Variants in FLACC1 observed in about 807,000 individuals in gnomAD.
The protein encoded by FLACC1 is flagellum associated containing coiled-coil domains 1.
Under a neutral mutation model 62.8 loss-of-function variants are expected in FLACC1, and 66 were observed. The observed-to-expected ratio is 1.05, with a 90% CI of 0.86 to 1.29. FLACC1 has a LOEUF of 1.29. Ranked by LOEUF, FLACC1 falls within the 50% of genes most tolerant of loss-of-function variation. The pLI is 0.00. For synonymous variants in FLACC1, 156 were observed against 161.0 expected, an observed-to-expected ratio of 0.97 and a Z score of 0.24; for missense variants, 452 against 489.1, an observed-to-expected ratio of 0.92 and a Z score of 0.71.
At chr2:201,322,433 G>A (rs774120915) in intron 9 of FLACC1, among the ~76,000 whole-genome samples, 3 of 151,890 alleles carry the variant, frequency 2.0e-5, no homozygotes, top group Non-Finnish European at 4.4e-5. Context: ...ATCTAAGAAA[G>A]CCACATAAAA....
At chr2:201,335,074 C>T (rs1950666966) in intron 7 of FLACC1, among the ~76,000 whole-genome samples, 1 of 152,040 alleles carries the variant, frequency 6.6e-6, no homozygotes, top group East Asian at 1.9e-4. Flanking sequence ...AATTCATTGC[C>T]ATATAAATGT....
the FLACC1 span, among the ~76,000 whole-genome samples, chr2:201,363,044 C>A: frequency 6.6e-6 from 1 of 152,176 alleles, no homozygotes; most frequent in Non-Finnish European, 1.5e-5. Context: ...GGTGACCCAG[C>A]CTGCTCCCCT....
chr2:201,321,472 C>T (rs1950402279), intron 9 of FLACC1, among the ~76,000 whole-genome samples: 1 of 152,138 alleles, frequency 6.6e-6, no homozygotes, highest in African/African-American at 2.4e-5. Flanking sequence ...TCAGCTCTAA[C>T]CCAACAGACA....
At chr2:201,355,348 C>T (rs1458361844) in intron 1 of FLACC1, among the ~76,000 whole-genome samples, 2 of 151,916 alleles carry the variant, frequency 1.3e-5, no homozygotes, top group African/African-American at 4.8e-5. Context: ...GATGAAACTG[C>T]CAAAATGTTG....
At chr2:201,294,336 C>T (rs1949808575) in intron 12 of FLACC1, among the ~76,000 whole-genome samples, 2 of 152,178 alleles carry the variant, frequency 1.3e-5, no homozygotes, top group Admixed American at 6.5e-5. Flanking sequence ...ATCAAGTGGG[C>T]TTCATCCCTG....
intron 6 of FLACC1, 79 bp downstream of exon 6, chr2:201,344,091 T>G: frequency 1.5e-6 from 2 of 1,314,370 alleles, no homozygotes; most frequent in Non-Finnish European, 2.1e-6. Flanking sequence ...TGCTTGGCAT[T>G]TTGCCTGGCA....
At chr2:201,321,049 A>T (rs1309069091) in intron 9 of FLACC1, among the ~76,000 whole-genome samples, 1 of 152,192 alleles carries the variant, frequency 6.6e-6, no homozygotes. Flanking sequence ...GTTTGTCCAC[A>T]TGACCAGTTC....
intron 11 of FLACC1, among the ~76,000 whole-genome samples, chr2:201,300,810 CAG>C (rs1162448799): frequency 1.3e-5 from 2 of 152,214 alleles, no homozygotes; most frequent in Non-Finnish European, 2.9e-5. Context: ...CCCAGGCAAA[CAG>C]GGTCTGGAGT....
At chr2:201,301,777 T>C (rs1364782437) in intron 11 of FLACC1, among the ~76,000 whole-genome samples, 1 of 152,206 alleles carries the variant, frequency 6.6e-6, no homozygotes, top group Non-Finnish European at 1.5e-5. Context: ...TGGGGGCCAA[T>C]ATTCAACATT....
upstream of FLACC1, among the ~76,000 whole-genome samples, chr2:201,357,956 CTTA>C (rs1216928743): frequency 2.0e-5 from 3 of 152,058 alleles, no homozygotes; most frequent in African/African-American, 7.2e-5. Flanking sequence ...AAATAATACT[CTTA>C]TTATTTGCTA....
chr2:201,310,300 C>T (rs1045958726), intron 9 of FLACC1, among the ~76,000 whole-genome samples: 3 of 152,116 alleles, frequency 2.0e-5, no homozygotes, highest in Non-Finnish European at 4.4e-5. Context: ...GACACAGGCT[C>T]AAAACTGAAA....
intron 12 of FLACC1, among the ~76,000 whole-genome samples, chr2:201,294,527 T>C (rs988068409): frequency 6.6e-6 from 1 of 152,158 alleles, no homozygotes; most frequent in African/African-American, 2.4e-5. Flanking sequence ...AATCTCAAAA[T>C]AATAAGAGCT....
At chr2:201,317,689 GA>G (rs1203209768) in intron 9 of FLACC1, among the ~76,000 whole-genome samples, 1 of 151,406 alleles carries the variant, frequency 6.6e-6, no homozygotes, top group African/African-American at 2.4e-5. Flanking sequence ...CACAGAACTA[GA>G]AAAAAAACTC....
chr2:201,340,524 C>T (rs1177473125), intron 7 of FLACC1, among the ~76,000 whole-genome samples: 2 of 152,132 alleles, frequency 1.3e-5, no homozygotes, highest in African/African-American at 4.8e-5. Flanking sequence ...CCCTCCCTAA[C>T]ATTTTGTTTT....
Position 201,345,829 on chromosome 2 carries a change from C to T in FLACC1, c.368+713G>A, listed in dbSNP as rs557502450. ...TAGAGTCAGGCCAGAACCTTCCACA[C>T]TGCATCTCCCGGGGGCATGAGCTGA... On this transcript the variant is annotated intron_variant, in intron 5 of 14. Coordinates refer to ENST00000392257, the MANE Select transcript of FLACC1 (RefSeq NM_001127391.3). Among the ~76,000 whole-genome samples the T allele has an allele frequency of 3.1e-3, 465 of 152,282 alleles. 3 individuals are homozygous for T. Among genetic ancestry groups the T allele is most frequent in the African/African-American group, 0.011 (448 of 41,554 alleles).
At chr2:201,328,529 G>A (rs1270975109) in intron 9 of FLACC1, among the ~76,000 whole-genome samples, 2 of 152,248 alleles carry the variant, frequency 1.3e-5, no homozygotes, top group African/African-American at 2.4e-5. Flanking sequence ...AGGTTCAAGC[G>A]ATTCTCCCGC....
chr2:201,324,791 T>C (rs1045598306), intron 9 of FLACC1, among the ~76,000 whole-genome samples: 1 of 152,116 alleles, frequency 6.6e-6, no homozygotes, highest in Non-Finnish European at 1.5e-5. Context: ...AGATGGAAAT[T>C]TAAAAAATTT....
Position 201,346,473 on chromosome 2 carries a change from G to A in FLACC1, c.368+69C>T. 3 of 1,593,122 alleles carry A rather than the reference G, an allele frequency of 1.9e-6. No individual in the cohort carries two copies. In the South Asian group the frequency reaches 3.4e-5, roughly 18 times the overall value. On this transcript the variant is annotated intron_variant, in intron 5 of 14. Transcript: ENST00000392257. The surrounding 1 kb of genome is among the most constrained non-coding windows in gnomAD (Gnocchi z 4.0). ...GGTGTGGGCATAGCGGCTTTGGCTT[G>A]TCCCTGAGGCCGGGCTGAGCTGGGT...
rs772893774 is a variant in FLACC1 at position 201,346,253 on chromosome 2, T to A, written c.368+289A>T. ...TTCAGACTAATTTATGGCTATTCTA[T>A]CTATTCCTCACCCCACGAACAATTG... On this transcript the variant is annotated intron_variant, in intron 5 of 14. Coordinates refer to ENST00000392257, the MANE Select transcript of FLACC1 (RefSeq NM_001127391.3). This position sits in a 1 kb window ranked among gnomAD's most constrained non-coding sequence, Gnocchi z 4.0. 6.6e-6 allele frequency among the ~76,000 whole-genome samples: 1 copy of A among 152,236 alleles called. No individual in the cohort carries two copies. The highest frequency in any genetic ancestry group is 2.4e-5 in the African/African-American group (1 of 41,464).
Sources: gnomAD v4.1 joint callset for allele counts (sites outside exome capture counted in the v4.1 genomes callset) on GRCh38, gnomAD v4.1.1 for gene constraint, Gnocchi (gnomAD v3.1) non-coding constraint, MANE v1.5 for transcripts, NCBI Gene and HGNC (gene_info 2026-07-23, HGNC 2026-07-21) for gene names.